The following ITPR2 variants were observed in gnomAD, a reference collection of about 807,000 sequenced individuals.
The protein encoded by ITPR2 is inositol 1,4,5-trisphosphate receptor type 2.
In ITPR2, 207 loss-of-function variants were observed where a neutral mutation model predicts 317.1. The observed-to-expected ratio is 0.65, with a 90% CI of 0.58 to 0.73. The LOEUF is 0.73. Ranked by LOEUF, ITPR2 falls within the 30% of genes least tolerant of loss-of-function variation. The pLI, the probability that ITPR2 is intolerant of heterozygous loss-of-function variation, is 0.00. For missense variants in ITPR2, 2,613 were observed against 3,284.0 expected, an observed-to-expected ratio of 0.80 and a Z score of 4.99; for synonymous variants, 1,156 against 1,149.1, an observed-to-expected ratio of 1.01 and a Z score of -0.12.
At chr12:26,621,046 G>A in intron 26 of ITPR2, 77 bp downstream of exon 26, 1 of 1,288,270 alleles carries the variant, frequency 7.8e-7, no homozygotes, top group Non-Finnish European at 1.1e-6. Context: ...GAACAATTTT[G>A]ATTGTAGAGC....
chr12:26,379,047 C>A (rs1939427010), intron 55 of ITPR2, among the ~76,000 whole-genome samples: 1 of 152,202 alleles, frequency 6.6e-6, no homozygotes, highest in Non-Finnish European at 1.5e-5. Context: ...ATCACAACTT[C>A]TAGCTTTACA....
intron 52 of ITPR2, among the ~76,000 whole-genome samples, chr12:26,402,350 A>G (rs1188899049): frequency 1.3e-5 from 2 of 152,184 alleles, no homozygotes; most frequent in African/African-American, 4.8e-5. Context: ...CACGATCTGC[A>G]TTCATTTATT....
intron 10 of ITPR2, among the ~76,000 whole-genome samples, chr12:26,689,528 T>C (rs1043359880): frequency 6.6e-6 from 1 of 151,498 alleles, no homozygotes; most frequent in Non-Finnish European, 1.5e-5. Flanking sequence ...AACTCAAAAG[T>C]GTGTTGGTTC....
At chr12:26,669,577 C>G (rs932097314) in intron 13 of ITPR2, among the ~76,000 whole-genome samples, 3 of 152,162 alleles carry the variant, frequency 2.0e-5, no homozygotes, top group African/African-American at 7.2e-5. Context: ...GCCAAGATGG[C>G]CGAATAGGAA....
At chr12:26,530,224 A>T (rs1018954125) in intron 37 of ITPR2, among the ~76,000 whole-genome samples, 1 of 152,184 alleles carries the variant, frequency 6.6e-6, no homozygotes, top group South Asian at 2.1e-4. Context: ...CAAGGGCCCC[A>T]ATGTCCCAGA....
rs114842009 is a variant in ITPR2, at chr12:26,642,116, A to G, written c.2741-10057T>C. On this transcript the variant is annotated intron_variant, in intron 21 of 56. Transcript: ENST00000381340. ...GCATCCTGCAAAAGGCTTGCTGCCTAGAGCAGGTTTCTGATGCCAGTGATT... is the reference window on the plus strand; with the variant it reads ...GCATCCTGCAAAAGGCTTGCTGCCTGGAGCAGGTTTCTGATGCCAGTGATT... 6.6e-3 allele frequency among the ~76,000 whole-genome samples: 1,006 copies of G among 152,340 alleles called. 19 individuals are homozygous for G. Among genetic ancestry groups the G allele is most frequent in the African/African-American group, 0.023 (967 of 41,570 alleles).
At chr12:26,790,585 T>A (rs1392467362) in intron 1 of ITPR2, among the ~76,000 whole-genome samples, 3 of 45,216 alleles carry the variant, frequency 6.6e-5, no homozygotes, top group Non-Finnish European at 9.7e-5. Flanking sequence ...ACATATATGC[T>A]TACACACACA....
intron 32 of ITPR2, among the ~76,000 whole-genome samples, chr12:26,590,087 T>C (rs2137098695): frequency 6.6e-6 from 1 of 151,744 alleles, no homozygotes; most frequent in South Asian, 2.1e-4. Context: ...ATGGGAGATA[T>C]GAAGGCTATC....
At chr12:26,534,326 T>C (rs921855632) in intron 37 of ITPR2, among the ~76,000 whole-genome samples, 1 of 152,306 alleles carries the variant, frequency 6.6e-6, no homozygotes, top group African/African-American at 2.4e-5. Context: ...AAATGGCAGA[T>C]GTGGAAGAGA....
chr12:26,585,698 C>T (rs1048741911), intron 32 of ITPR2, among the ~76,000 whole-genome samples: 17 of 152,180 alleles, frequency 1.1e-4, no homozygotes, highest in African/African-American at 3.9e-4. Flanking sequence ...AGCCACTACA[C>T]CCGACCCTTT....
At chr12:26,561,681 A>G (rs1370830365) in intron 35 of ITPR2, 81 bp downstream of exon 35, 1 of 1,165,044 alleles carries the variant, frequency 8.6e-7, no homozygotes, top group Non-Finnish European at 1.2e-6. Context: ...GATATTTTAA[A>G]CCATATTTTA....
chr12:26,563,665 T>C (rs181447079), intron 34 of ITPR2, among the ~76,000 whole-genome samples: 53 of 152,338 alleles, frequency 3.5e-4, no homozygotes, highest in African/African-American at 1.2e-3. Flanking sequence ...TAACATTTAC[T>C]GGTGTTCCCA....
At chr12:26,713,645 G>A (rs1281628321) in intron 8 of ITPR2, among the ~76,000 whole-genome samples, 1 of 152,132 alleles carries the variant, frequency 6.6e-6, no homozygotes, top group African/African-American at 2.4e-5. Flanking sequence ...AAAAATATGA[G>A]AGAATTTTCA....
At chr12:26,806,631 G>T (rs979868808) in intron 1 of ITPR2, among the ~76,000 whole-genome samples, 8 of 152,238 alleles carry the variant, frequency 5.3e-5, no homozygotes, top group Non-Finnish European at 1.2e-4. Context: ...AACATGAAAA[G>T]AATTTCAGGA....
chr12:26,357,056 G>C (rs372661210), intron 55 of ITPR2, among the ~76,000 whole-genome samples: 3 of 151,888 alleles, frequency 2.0e-5, no homozygotes, highest in Non-Finnish European at 4.4e-5. Context: ...GGTATTTCCC[G>C]AGTGACAGAG....
intron 40 of ITPR2, 78 bp from the exon 41 acceptor site, chr12:26,486,438 C>T: frequency 3.7e-6 from 4 of 1,088,378 alleles, no homozygotes; most frequent in African/African-American, 3.2e-5. Context: ...AAACCAGGTA[C>T]CCAAATTCTC....
rs570260780 is a variant in ITPR2, at chr12:26,402,010, G to C, written c.7400-1752C>G. On this transcript the variant is annotated intron_variant, in intron 52 of 56. Coordinates refer to ENST00000381340, the MANE Select transcript of ITPR2 (RefSeq NM_002223.4). Reference sequence around the variant, plus strand: ...AAGGCACATTCTGATTTAAAAAGTAGGAGAACTAGAACTCCTTTGGAGGAA... The same window carrying C: ...AAGGCACATTCTGATTTAAAAAGTACGAGAACTAGAACTCCTTTGGAGGAA... Among the ~76,000 whole-genome samples, 9 of 152,292 alleles carry C rather than the reference G, an allele frequency of 5.9e-5. No individual in the cohort carries two copies. In the South Asian group the frequency reaches 1.2e-3, roughly 21 times the overall value.
rs1945186603 is a variant in ITPR2, at chr12:26,572,456, C to T, written c.4630+6257G>A. The stretch of plus-strand genomic sequence containing the variant: ...AGGGAACTTTGAAAAGGCCAATTTG[C>T]TTCTTGTTCCTTGTTTCTACTTTCT... On this transcript the variant is annotated intron_variant, in intron 34 of 56. Coordinates refer to ENST00000381340, the MANE Select transcript of ITPR2 (RefSeq NM_002223.4). Among the ~76,000 whole-genome samples the T allele has an allele frequency of 2.0e-5, 3 of 152,146 alleles. No individual in the cohort carries two copies. The South Asian group carries it at 6.2e-4, about 32-fold the overall frequency.
intron 55 of ITPR2, among the ~76,000 whole-genome samples, chr12:26,382,974 C>T (rs1254680262): frequency 1.3e-5 from 2 of 152,150 alleles, no homozygotes; most frequent in Non-Finnish European, 2.9e-5. Context: ...CTCCAAACCT[C>T]ATGTTGAAAT....
Sources: gnomAD v4.1 joint callset for allele counts (sites outside exome capture counted in the v4.1 genomes callset) on GRCh38, gnomAD v4.1.1 for gene constraint, MANE v1.5 for transcripts, NCBI Gene and HGNC (gene_info 2026-07-23, HGNC 2026-07-21) for gene names.